The following EYA2 variants were observed in gnomAD, a reference collection of about 807,000 sequenced individuals.
The protein encoded by EYA2 is EYA transcriptional coactivator and phosphatase 2, also known as protein phosphatase EYA2.
A neutral mutation model predicts 69.2 loss-of-function variants in EYA2; 31 were observed. The observed-to-expected ratio is 0.45, with a 90% confidence interval of 0.34 to 0.60. The LOEUF (loss-of-function observed/expected upper bound fraction) is 0.60, where lower values mean the gene tolerates loss of function less well. Ranked by LOEUF, EYA2 falls within the 20% of genes least tolerant of loss-of-function variation. The probability of loss-of-function intolerance (pLI) is 0.02; values close to 1 mark genes in which losing one functional copy is unlikely to be tolerated. For missense variants in EYA2, 622 were observed against 701.2 expected, an observed-to-expected ratio of 0.89 and a Z score of 1.28; for synonymous variants, 257 against 279.4, an observed-to-expected ratio of 0.92 and a Z score of 0.80.
chr20:47,010,309 A>T (rs1568722091), intron 4 of EYA2, among the ~76,000 whole-genome samples: 1 of 152,230 alleles, frequency 6.6e-6, no homozygotes, highest in Non-Finnish European at 1.5e-5. Flanking sequence ...GGTCTCCCAC[A>T]GTCCCTCTCA....
chr20:47,098,216 G>A (rs1690351798), intron 9 of EYA2, among the ~76,000 whole-genome samples: 1 of 152,200 alleles, frequency 6.6e-6, no homozygotes. Flanking sequence ...GTGCCTGTGG[G>A]AAATCCAGCA....
chr20:46,930,421 A>G (rs1327654956), intron 1 of EYA2, among the ~76,000 whole-genome samples: 1 of 152,208 alleles, frequency 6.6e-6, no homozygotes, highest in African/African-American at 2.4e-5. Flanking sequence ...TTTGCTGTGC[A>G]GACAGGGTGA....
At chr20:46,946,031 G>A (rs964678502) in intron 1 of EYA2, among the ~76,000 whole-genome samples, 1 of 152,194 alleles carries the variant, frequency 6.6e-6, no homozygotes, top group Non-Finnish European at 1.5e-5. Context: ...CTCTTCGAGG[G>A]TCTTGAGAAT....
At chr20:47,099,636 G>A (rs556233160) in intron 9 of EYA2, among the ~76,000 whole-genome samples, 1 of 152,202 alleles carries the variant, frequency 6.6e-6, no homozygotes, top group African/African-American at 2.4e-5. Context: ...TGGAGCTGGG[G>A]CACACTGGAA....
At position 47,153,269 on chromosome 20, in the gene EYA2, C is replaced by T. The variant is rs191584124; in HGVS notation, c.978+10121C>T. 3.9e-5 allele frequency among the ~76,000 whole-genome samples: 6 copies of T among 152,042 alleles called. 2 individuals carry two copies. The East Asian group carries it at 1.2e-3, about 30-fold the overall frequency. On this transcript the variant is annotated intron_variant, in intron 10 of 15. Transcript: ENST00000327619. ...ACTCGTGTTTTAGGGGAAAAATGAC[C>T]AGTACATCAAACCAGTGATGTCATA... is the stretch of plus-strand genomic sequence containing the variant.
chr20:46,999,186 T>G (rs1982209213), intron 2 of EYA2, among the ~76,000 whole-genome samples: 1 of 152,226 alleles, frequency 6.6e-6, no homozygotes, highest in Non-Finnish European at 1.5e-5. Flanking sequence ...ATATACATAT[T>G]TATGAAAGAA....
chr20:47,011,419 C>T (rs1234780613), intron 4 of EYA2, among the ~76,000 whole-genome samples: 1 of 152,134 alleles, frequency 6.6e-6, no homozygotes, highest in Non-Finnish European at 1.5e-5. Context: ...CTCCAGGGCC[C>T]CTCTCAGGAT....
chr20:46,903,639 G>A (rs539604795), intron 1 of EYA2, among the ~76,000 whole-genome samples: 15 of 152,186 alleles, frequency 9.9e-5, no homozygotes, highest in African/African-American at 2.6e-4. Context: ...CAGTTTCTTC[G>A]TCTGTAAAGC....
At chr20:47,005,743 G>A (rs1242907081) in intron 4 of EYA2, among the ~76,000 whole-genome samples, 2 of 152,226 alleles carry the variant, frequency 1.3e-5, no homozygotes, top group African/African-American at 2.4e-5. Context: ...GGTGGAGGAC[G>A]GGGCAGAAAC....
intron 8 of EYA2, among the ~76,000 whole-genome samples, chr20:47,090,269 C>T (rs1283227868): frequency 1.4e-5 from 2 of 138,804 alleles, no homozygotes; most frequent in African/African-American, 5.3e-5. Flanking sequence ...CTCTCTCTGG[C>T]TCCCCCATCA....
rs571145648 is a variant in EYA2, at chr20:46,898,201, A to G, written c.-11+3214A>G. Reference sequence around the variant, plus strand: ...CCTCCAAAGGCTGGACTTTCTGACTAAGACTGGGTTTTGTTGGTGGAAGGA... The same window carrying G: ...CCTCCAAAGGCTGGACTTTCTGACTGAGACTGGGTTTTGTTGGTGGAAGGA... On this transcript the variant is annotated intron_variant, in intron 1 of 15. Transcript: ENST00000327619. 2.0e-5 allele frequency among the ~76,000 whole-genome samples: 3 copies of G among 150,446 alleles called. No homozygotes were observed. The South Asian group carries it at 6.3e-4, about 32-fold the overall frequency.
chr20:47,004,366 C>T (rs1388131219), intron 3 of EYA2, among the ~76,000 whole-genome samples: 1 of 152,164 alleles, frequency 6.6e-6, no homozygotes, highest in Non-Finnish European at 1.5e-5. Context: ...GATTGACAGC[C>T]CTGTTAAAGC....
intron 1 of EYA2, among the ~76,000 whole-genome samples, chr20:46,915,086 C>T (rs1392743503): frequency 6.6e-6 from 1 of 152,208 alleles, no homozygotes; most frequent in Non-Finnish European, 1.5e-5. Flanking sequence ...AATTACTGCT[C>T]CCCATCTCCC....
intron 1 of EYA2, among the ~76,000 whole-genome samples, chr20:46,909,763 G>A (rs1482680870): frequency 1.3e-5 from 2 of 152,200 alleles, no homozygotes; most frequent in African/African-American, 4.8e-5. Context: ...TTCTGGAAGT[G>A]TGGGTGGACT....
At chr20:47,046,823 T>TG (rs1466728537) in intron 5 of EYA2, among the ~76,000 whole-genome samples, 1 of 152,188 alleles carries the variant, frequency 6.6e-6, no homozygotes, top group African/African-American at 2.4e-5. Context: ...TGTATCTATC[T>TG]GGGAAGGGTT....
chr20:47,003,385 CT>C (rs981534698), intron 3 of EYA2, among the ~76,000 whole-genome samples: 7 of 152,252 alleles, frequency 4.6e-5, no homozygotes, highest in African/African-American at 1.4e-4. Context: ...ACCTTTACCA[CT>C]AAGGGAAGTG....
chr20:46,990,262 T>A (rs905580119), intron 2 of EYA2, 143 bp downstream of exon 2: 15 of 507,658 alleles, frequency 3.0e-5, no homozygotes, highest in Non-Finnish European at 5.2e-5. Context: ...TGCTTGCCTC[T>A]GAACCAAAAC....
intron 5 of EYA2, among the ~76,000 whole-genome samples, chr20:47,047,477 C>A (rs946199250): frequency 6.6e-6 from 1 of 152,050 alleles, no homozygotes; most frequent in African/African-American, 2.4e-5. Flanking sequence ...ACCTCCGCCT[C>A]CCGGGTTCAA....
chr20:46,991,828 C>G (rs1030441819), intron 2 of EYA2, among the ~76,000 whole-genome samples: 2 of 151,838 alleles, frequency 1.3e-5, no homozygotes, highest in Non-Finnish European at 2.9e-5. Flanking sequence ...ATTAGACAGG[C>G]GTGGTGGCAC....
Sources: gnomAD v4.1 joint callset for allele counts (sites outside exome capture counted in the v4.1 genomes callset) on GRCh38, gnomAD v4.1.1 for gene constraint, MANE v1.5 for transcripts, NCBI Gene and HGNC (gene_info 2026-07-23, HGNC 2026-07-21) for gene names.